Variants in TLK1 observed in about 807,000 individuals in gnomAD.
TLK1 encodes serine/threonine-protein kinase tousled-like 1.
In TLK1, 24 loss-of-function variants were observed where a neutral mutation model predicts 105.3. That is an observed-to-expected ratio of 0.23 (90% CI 0.17 to 0.32). The LOEUF (loss-of-function observed/expected upper bound fraction) is 0.32. Ranked by LOEUF, TLK1 falls within the 10% of genes least tolerant of loss-of-function variation. The probability of loss-of-function intolerance (pLI) is 1.00; values close to 1 mark genes in which losing one functional copy is unlikely to be tolerated. For synonymous variants in TLK1, 321 were observed against 310.4 expected, an observed-to-expected ratio of 1.03 and a Z score of -0.36; for missense variants, 558 against 910.5, an observed-to-expected ratio of 0.61 and a Z score of 4.98.
chr2:171,227,538 ACATGAGTTAGT>A (rs1310731360), intron 1 of TLK1, among the ~76,000 whole-genome samples: 22 of 128,358 alleles, frequency 1.7e-4, no homozygotes, highest in African/African-American at 5.9e-4. Flanking sequence ...TTTTTCATTT[ACATGAGTTAGT>A]CATGAGTTAG....
At chr2:171,084,492 G>A (rs1273994365) in intron 2 of TLK1, among the ~76,000 whole-genome samples, 1 of 152,154 alleles carries the variant, frequency 6.6e-6, no homozygotes, top group African/African-American at 2.4e-5. Flanking sequence ...GAAAGCAAAT[G>A]CCACAGTTTT....
chr2:171,155,151 A>T (rs1692185102), intron 1 of TLK1, among the ~76,000 whole-genome samples: 1 of 152,182 alleles, frequency 6.6e-6, no homozygotes, highest in Non-Finnish European at 1.5e-5. Context: ...CTAGCTTTAA[A>T]AACATTAGAA....
Position 170,993,754 on chromosome 2 carries a change from G to C in TLK1, c.*26C>G. On this transcript the variant is annotated 3_prime_UTR_variant, in exon 21 of 21. Coordinates refer to ENST00000431350, the MANE Select transcript of TLK1 (RefSeq NM_012290.5). ...GTGTGCATCTGGAAGCAAATTCAAA[G>C]ATATCATGCCAATCTTGGAGGAAAG... The C allele has an allele frequency of 1.4e-6, 2 of 1,455,974 alleles. No homozygotes were observed. The highest frequency in any genetic ancestry group is 1.8e-6 in the Non-Finnish European group (2 of 1,095,784). 90.2% of individuals were successfully genotyped at this position (1,455,974 alleles called of 1,614,324 possible).
intron 1 of TLK1, among the ~76,000 whole-genome samples, chr2:171,155,179 T>C (rs950967501): frequency 2.0e-5 from 3 of 152,182 alleles, no homozygotes; most frequent in African/African-American, 7.2e-5. Context: ...AGCATATTAC[T>C]TCTGAAATCA....
At chr2:171,143,105 G>T (rs993883774) in intron 1 of TLK1, among the ~76,000 whole-genome samples, 4 of 151,144 alleles carry the variant, frequency 2.6e-5, no homozygotes, top group African/African-American at 4.9e-5. Context: ...ATGAAGGAAT[G>T]AATGAATGAA....
At chr2:171,025,991 C>T (rs1685754140) in intron 12 of TLK1, among the ~76,000 whole-genome samples, 1 of 152,090 alleles carries the variant, frequency 6.6e-6, no homozygotes, top group African/African-American at 2.4e-5. Context: ...GTATTCATGA[C>T]ATGAGAGTAT....
intron 11 of TLK1, among the ~76,000 whole-genome samples, chr2:171,041,621 G>A (rs1190784629): frequency 6.6e-6 from 1 of 152,154 alleles, no homozygotes; most frequent in Non-Finnish European, 1.5e-5. Context: ...TGCTGCTTAT[G>A]AAAATACAAT....
intron 3 of TLK1, among the ~76,000 whole-genome samples, chr2:171,078,117 T>G (rs961070151): frequency 3.3e-5 from 5 of 152,332 alleles, no homozygotes; most frequent in African/African-American, 1.2e-4. Flanking sequence ...CTTGTTATCT[T>G]CCTTCTGTGA....
chr2:171,164,845 G>T (rs1021844014), upstream of TLK1, among the ~76,000 whole-genome samples: 1 of 151,946 alleles, frequency 6.6e-6, no homozygotes, highest in African/African-American at 2.4e-5. Context: ...TCAAGACTGG[G>T]CACGGTGCCT....
intron 11 of TLK1, among the ~76,000 whole-genome samples, chr2:171,030,145 C>G (rs190212187): frequency 1.3e-5 from 2 of 152,322 alleles, no homozygotes; most frequent in Admixed American, 1.3e-4. Context: ...AAGCTCCTAA[C>G]TCAGGTGTGA....
intron 1 of TLK1, among the ~76,000 whole-genome samples, chr2:171,205,768 C>T (rs1426687314): frequency 6.6e-6 from 1 of 152,154 alleles, no homozygotes; most frequent in Non-Finnish European, 1.5e-5. Flanking sequence ...GAGTAATCTG[C>T]TTTGTTGTTT....
At chr2:170,998,779 T>A (rs1433889808) in intron 18 of TLK1, among the ~76,000 whole-genome samples, 3 of 152,036 alleles carry the variant, frequency 2.0e-5, no homozygotes, top group Non-Finnish European at 2.9e-5. Flanking sequence ...AAGTTCATAA[T>A]TTTTTTTGAT....
intron 1 of TLK1, among the ~76,000 whole-genome samples, chr2:171,224,935 G>A (rs1002765235): frequency 3.3e-5 from 5 of 152,034 alleles, no homozygotes; most frequent in African/African-American, 1.2e-4. Flanking sequence ...TTCAACAAGG[G>A]TTTCATGACA....
chr2:171,152,518 A>ATTGTTG (rs144550135), intron 1 of TLK1, among the ~76,000 whole-genome samples: 1 of 151,724 alleles, frequency 6.6e-6, no homozygotes, highest in Non-Finnish European at 1.5e-5. Context: ...AGGTTTTGTT[A>ATTGTTG]TTGTTGTTGT....
chr2:171,193,558 G>T (rs112621177), intron 1 of TLK1, among the ~76,000 whole-genome samples: 16,474 of 150,994 alleles, frequency 0.11, 1,333 homozygotes, highest in African/African-American at 0.23. Context: ...CACCACGCCC[G>T]GCTAATTTTT....
intron 1 of TLK1, among the ~76,000 whole-genome samples, chr2:171,181,405 C>G (rs980836761): frequency 1.3e-5 from 2 of 152,214 alleles, no homozygotes; most frequent in African/African-American, 4.8e-5. Flanking sequence ...TCCCTTCTAA[C>G]ATATTAGCAT....
At chr2:171,010,682 A>G (rs1476809632) in intron 14 of TLK1, among the ~76,000 whole-genome samples, 1 of 152,154 alleles carries the variant, frequency 6.6e-6, no homozygotes, top group Non-Finnish European at 1.5e-5. Context: ...AAAATGCTAC[A>G]TTTATACATA....
Position 171,224,344 on chromosome 2 carries a change from C to CT in TLK1, c.-6+6800dup, listed in dbSNP as rs1213825802. ...CCCTGTGCTGTTTGTGTTACTATAG[C>CT]TTTGTAGTATAATTTAAGTCAGGTA... On this transcript the variant is annotated intron_variant, in intron 1 of 20. Transcript: ENST00000521943. 1.2e-4 allele frequency among the ~76,000 whole-genome samples: 18 copies of CT among 152,166 alleles called. No individual in the cohort carries two copies. The East Asian group carries it at 3.3e-3, about 28-fold the overall frequency.
chr2:171,199,075 A>T (rs1020868987), intron 1 of TLK1, among the ~76,000 whole-genome samples: 5 of 152,244 alleles, frequency 3.3e-5, no homozygotes, highest in Non-Finnish European at 7.3e-5. Context: ...TTTTCCAAAG[A>T]GCCATCTGTA....
Sources: allele counts gnomAD v4.1 joint callset (sites outside exome capture counted in the v4.1 genomes callset), GRCh38; gene constraint gnomAD v4.1.1; transcripts MANE v1.5; gene names NCBI Gene and HGNC (gene_info 2026-07-23, HGNC 2026-07-21).